Variants in MYBL1 observed in about 807,000 individuals in gnomAD.
MYBL1 encodes the protein myb-related protein A.
In MYBL1, 17 loss-of-function variants were observed where a neutral mutation model predicts 96.3. That is an observed-to-expected ratio of 0.18 (90% CI 0.12 to 0.26). The LOEUF (loss-of-function observed/expected upper bound fraction) is 0.26, where lower values mean the gene tolerates loss of function less well. Among genes scored for constraint, MYBL1 ranks in the 10% least tolerant of loss-of-function variants. The pLI, the probability that MYBL1 is intolerant of heterozygous loss-of-function variation, is 1.00. For synonymous variants in MYBL1, 282 were observed against 292.7 expected, an observed-to-expected ratio of 0.96 and a Z score of 0.37; for missense variants, 701 against 882.9, an observed-to-expected ratio of 0.79 and a Z score of 2.61.
chr8:66,590,966 G>A (rs1459922243), intron 8 of MYBL1, among the ~76,000 whole-genome samples: 1 of 152,134 alleles, frequency 6.6e-6, no homozygotes, highest in African/African-American at 2.4e-5. Flanking sequence ...TGATAGATAT[G>A]CTAATTACCA....
At position 66,573,356 on chromosome 8, in the gene MYBL1, C is replaced by T. The variant is rs1273470765; in HGVS notation, c.1613+8G>A. ...TTTCTCTAACACAATTATTTAATACCTACTTACCCTACATTTTCCTTTTGA... is the reference window on the plus strand; with the variant it reads ...TTTCTCTAACACAATTATTTAATACTTACTTACCCTACATTTTCCTTTTGA... On this transcript the variant is annotated splice_region_variant and intron_variant, in intron 11 of 15. Coordinates refer to ENST00000522677, the MANE Select transcript of MYBL1 (RefSeq NM_001080416.4). 6 of 1,602,134 alleles carry T rather than the reference C, an allele frequency of 3.7e-6. No individual in the cohort carries two copies. In the Admixed American group the frequency reaches 7.0e-5, roughly 19 times the overall value.
intron 6 of MYBL1, among the ~76,000 whole-genome samples, chr8:66,593,879 T>A (rs1809748608): frequency 6.6e-6 from 1 of 152,092 alleles, no homozygotes. Flanking sequence ...CCCACCCCTG[T>A]AATTCCAGCA....
At chr8:66,605,870 T>A (rs1377723860) in intron 1 of MYBL1, among the ~76,000 whole-genome samples, 1 of 152,192 alleles carries the variant, frequency 6.6e-6, no homozygotes, top group African/African-American at 2.4e-5. Context: ...GTGGACTGAA[T>A]AAAGTCATGG....
chr8:66,602,432 AT>A lies in MYBL1; in HGVS notation c.111del (p.Lys37AsnfsTer10). On this transcript the variant is annotated frameshift_variant, in exon 2 of 16. Coordinates refer to ENST00000522677, the MANE Select transcript of MYBL1 (RefSeq NM_001080416.4). LOFTEE classifies it high-confidence loss of function. ...CAGATAATTACCTCGTCCCTTGTCC[AT>A]TTTACTCTGTTCCAGAGTTTCTTCA... Reference protein sequence around the residue: ...KGLKKLWNRVKWTRDEDDKLK... With the variant: ...KGLKKLWNRVXWTRDEDDKLK... The A allele has an allele frequency of 6.3e-7, 1 of 1,594,840 alleles. No individual in the cohort carries two copies. Among genetic ancestry groups the A allele is most frequent in the South Asian group, 1.1e-5 (1 of 88,948 alleles).
At chr8:66,605,181 C>G (rs1013659158) in intron 1 of MYBL1, among the ~76,000 whole-genome samples, 1 of 151,964 alleles carries the variant, frequency 6.6e-6, no homozygotes, top group Non-Finnish European at 1.5e-5. Flanking sequence ...TTTTTTCTTA[C>G]TAAAGTCTTC....
Position 66,593,062 on chromosome 8 carries a change from G to T in MYBL1, c.762+58C>A, listed in dbSNP as rs914688638. ...TAGATGAGGAAATAGATACTATTAG[G>T]CTTTTAAAAATGTGACTGAACACAT... On this transcript the variant is annotated intron_variant, in intron 7 of 15. Transcript: ENST00000522677. 13 of 1,088,166 alleles carry T rather than the reference G, an allele frequency of 1.2e-5. No homozygotes were observed. In the African/African-American group the frequency reaches 2.1e-4, roughly 17 times the overall value. The allele number at this position is 1,088,166 out of a possible 1,614,324, so 67.4% of individuals were successfully genotyped here.
intron 8 of MYBL1, among the ~76,000 whole-genome samples, chr8:66,591,245 G>T (rs1309544018): frequency 1.3e-5 from 2 of 151,944 alleles, no homozygotes; most frequent in African/African-American, 4.8e-5. Context: ...CTACTCAGAG[G>T]CTGAGGCAGG....
At chr8:66,594,554 T>C (rs1809778050) in intron 6 of MYBL1, among the ~76,000 whole-genome samples, 2 of 152,268 alleles carry the variant, frequency 1.3e-5, no homozygotes, top group South Asian at 4.1e-4. Context: ...GTATTATCTT[T>C]CTACGAGTTA....
At chr8:66,570,446 C>T (rs896437494) in intron 12 of MYBL1, among the ~76,000 whole-genome samples, 1 of 151,994 alleles carries the variant, frequency 6.6e-6, no homozygotes, top group Non-Finnish European at 1.5e-5. Context: ...AGCATACTAC[C>T]ACACCCAGCT....
chr8:66,601,244 T>C (rs1046827925), intron 3 of MYBL1, among the ~76,000 whole-genome samples: 5 of 138,272 alleles, frequency 3.6e-5, no homozygotes, highest in South Asian at 2.3e-4. Context: ...TAAAGTTATA[T>C]AACGAACAGC....
In MYBL1 at chr8:66,599,117, T is replaced by C. The variant is rs1186264908; in HGVS notation, c.224A>G (p.His75Arg). The C allele has an allele frequency of 2.5e-6, 4 of 1,595,464 alleles. No homozygotes were observed. The highest frequency in any genetic ancestry group is 1.3e-5 in the African/African-American group (1 of 74,214). ...AGGATTTAAAACTTTCTGCCATCGA[T>C]GCTGGCACTGAAAATCAGAGCGATT... ...LQNRSDFQCQ[H>R]RWQKVLNPEL... Residue 75 changes from histidine (H) to arginine (R), a missense_variant, in exon 4 of 16, where the codon CAT becomes CGT. His to Arg is a conservative substitution (Grantham distance 29, BLOSUM62 0). This residue lies in a region of MYBL1 where 68 missense variants were observed against 93.8 expected (regional missense o/e 0.72). Coordinates refer to ENST00000522677, the MANE Select transcript of MYBL1 (RefSeq NM_001080416.4).
chr8:66,590,808 A>G (rs1205224513), intron 8 of MYBL1, among the ~76,000 whole-genome samples: 1 of 152,182 alleles, frequency 6.6e-6, no homozygotes. Flanking sequence ...GTTAAAGAAT[A>G]CAAAATCACA....
At chr8:66,596,722 A>C (rs1809864061) in intron 5 of MYBL1, among the ~76,000 whole-genome samples, 1 of 152,188 alleles carries the variant, frequency 6.6e-6, no homozygotes, top group Admixed American at 6.5e-5. Context: ...TAAGTTATGA[A>C]TTTTCACAAG....
intron 9 of MYBL1, among the ~76,000 whole-genome samples, chr8:66,579,262 T>TA (rs923439917): frequency 6.6e-6 from 1 of 151,330 alleles, no homozygotes; most frequent in Non-Finnish European, 1.5e-5. Flanking sequence ...AAATTTTTTT[T>TA]AAAAAAATGA....
rs1563543465 is a variant in MYBL1 at position 66,592,467 on chromosome 8, A to G, written c.840T>C (p.Asn280=). The change falls in exon 8 of 16, where the codon AAT becomes AAC. Residue 280 remains asparagine, a synonymous_variant. Transcript: ENST00000522677. The part of the protein sequence containing the change: ...ELEMLLMSAE[N]EVRRKRIPSQ... ...ATGGAATTCGCTTTCTTCTAACTTC[A>G]TTCTCAGCTGACATAAGAAGCATCT... is the stretch of plus-strand genomic sequence containing the variant. 6.2e-7 allele frequency: 1 copy of G among 1,602,000 alleles called. No individual in the cohort carries two copies. The highest frequency in any genetic ancestry group is 1.7e-4 in the Middle Eastern group (1 of 6,044).
intron 9 of MYBL1, 112 bp downstream of exon 9, chr8:66,580,021 T>C: frequency 2.6e-6 from 2 of 777,232 alleles, no homozygotes; most frequent in East Asian, 5.4e-5. Context: ...CAGAACAAAA[T>C]TAAGCATGGC....
At chr8:66,582,327 T>C (rs757348823) in intron 8 of MYBL1, among the ~76,000 whole-genome samples, 6 of 151,758 alleles carry the variant, frequency 4.0e-5, no homozygotes, top group Non-Finnish European at 8.8e-5. Flanking sequence ...ACGGACTGAA[T>C]GTAAAAGGAT....
chr8:66,582,939 TAGAC>T (rs1267680091), intron 8 of MYBL1, among the ~76,000 whole-genome samples: 4 of 152,150 alleles, frequency 2.6e-5, no homozygotes. Context: ...AAAGATCATC[TAGAC>T]AGAAAAATCA....
chr8:66,605,027 T>G (rs968782002), intron 1 of MYBL1, among the ~76,000 whole-genome samples: 1 of 152,166 alleles, frequency 6.6e-6, no homozygotes, highest in Non-Finnish European at 1.5e-5. Flanking sequence ...CATATGTAAT[T>G]TTCTAGTAGC....
Sources: gnomAD v4.1 joint callset for allele counts (sites outside exome capture counted in the v4.1 genomes callset) on GRCh38, gnomAD v4.1.1 for gene constraint, gnomAD v4.1.1 regional missense constraint, MANE v1.5 for transcripts, NCBI Gene and HGNC (gene_info 2026-07-23, HGNC 2026-07-21) for gene names.